Variants in YME1L1 observed in about 807,000 individuals in gnomAD.
The protein encoded by YME1L1 is ATP-dependent zinc metalloprotease YME1L1.
In YME1L1, 39 loss-of-function variants were observed where a neutral mutation model predicts 90.4. The ratio of observed to expected loss-of-function variants is 0.43; its 90% CI spans 0.33 to 0.56. The LOEUF is 0.56. Among genes scored for constraint, YME1L1 ranks in the 20% least tolerant of loss-of-function variants. YME1L1 has a pLI of 0.03. For missense variants in YME1L1, 617 were observed against 868.4 expected (o/e 0.71, Z 3.64); for synonymous variants, 284 against 287.3 (o/e 0.99, Z 0.12).
At chr10:27,148,624 T>G (rs536845081) in intron 2 of YME1L1, among the ~76,000 whole-genome samples, 12 of 152,328 alleles carry the variant, frequency 7.9e-5, no homozygotes, top group Admixed American at 2.0e-4. Flanking sequence ...ATGTTTTCTC[T>G]TCCTTATGAT....
At chr10:27,131,177 C>A (rs1315540196) in intron 8 of YME1L1, among the ~76,000 whole-genome samples, 1 of 152,206 alleles carries the variant, frequency 6.6e-6, no homozygotes, top group Non-Finnish European at 1.5e-5. Flanking sequence ...AGCCTTCTCT[C>A]AAAACTCCCA....
chr10:27,126,044 T>A (rs1244480578), intron 9 of YME1L1, among the ~76,000 whole-genome samples: 2 of 152,176 alleles, frequency 1.3e-5, no homozygotes, highest in East Asian at 3.8e-4. Context: ...AAATACACAC[T>A]TGGGGTGATT....
intron 7 of YME1L1, among the ~76,000 whole-genome samples, chr10:27,132,166 T>A (rs1231623268): frequency 2.0e-5 from 3 of 152,158 alleles, no homozygotes; most frequent in Non-Finnish European, 4.4e-5. Flanking sequence ...AGCGGCACGA[T>A]CTTGGCTCAC....
intron 15 of YME1L1, 118 bp from the exon 16 acceptor site, chr10:27,116,463 T>TC (rs1180262841): frequency 9.2e-7 from 1 of 1,091,588 alleles, no homozygotes; most frequent in Non-Finnish European, 1.3e-6. Flanking sequence ...GGTTGGGAGT[T>TC]CGAGACCAGC....
chr10:27,134,899 T>C lies in YME1L1; in HGVS notation c.623A>G (p.Gln208Arg). ...MKTKNIPEAHQDAFKTGFAEG... is the reference protein window; with the variant it reads ...MKTKNIPEAHRDAFKTGFAEG... ...CGCAAAACCAGTTTTAAATGCATCT[T>C]GGTGAGCTTCAGGTATATTTTTGGT... The change falls in exon 6 of 19, where the codon CAA (glutamine) becomes CGA (arginine). Residue 208 changes from glutamine to arginine, a missense_variant. Around this residue, in one of 4 missense-constraint regions of YME1L1, gnomAD observed 311 missense variants for 335.8 expected, o/e 0.93. Coordinates refer to ENST00000376016, the MANE Select transcript of YME1L1 (RefSeq NM_014263.4). 6.2e-7 allele frequency: 1 copy of C among 1,614,104 alleles called. No homozygotes were observed. The highest frequency in any genetic ancestry group is 8.5e-7 in the Non-Finnish European group (1 of 1,180,022).
chr10:27,151,998 G>C (rs749741867), intron 1 of YME1L1, among the ~76,000 whole-genome samples: 4 of 151,736 alleles, frequency 2.6e-5, no homozygotes, highest in Non-Finnish European at 4.4e-5. Flanking sequence ...GATTATGGGC[G>C]ATCTTATTTA....
chr10:27,116,770 G>A (rs996139712), intron 15 of YME1L1, among the ~76,000 whole-genome samples: 5 of 152,098 alleles, frequency 3.3e-5, no homozygotes, highest in African/African-American at 1.2e-4. Flanking sequence ...GCTCATACCT[G>A]TAGTCTCAGC....
rs563224738 is a variant in YME1L1, at chr10:27,151,894, A to C, written c.33+2284T>G. Among the ~76,000 whole-genome samples, 243 of 151,554 alleles carry C rather than the reference A, an allele frequency of 1.6e-3. 2 individuals are homozygous for C. The highest frequency in any genetic ancestry group is 0.013 in the Admixed American group (197 of 15,242). ...AGACTCCATCTTAAAAAAAAAAAAA[A>C]ATTAAAATAAAAAAAAGTATGCATA... is the stretch of plus-strand genomic sequence containing the variant. On this transcript the variant is annotated intron_variant, in intron 1 of 18. Transcript: ENST00000376016.
chr10:27,116,657 ACTCCAT>A (rs1266499369), intron 15 of YME1L1, among the ~76,000 whole-genome samples: 1 of 151,930 alleles, frequency 6.6e-6, no homozygotes, highest in East Asian at 1.9e-4. Context: ...CAAGAGTGAA[ACTCCAT>A]CTCAAAAATA....
Position 27,116,201 on chromosome 10 carries a change from C to T in YME1L1, c.1846+18G>A, listed in dbSNP as rs1022827172. 6.2e-7 allele frequency: 1 copy of T among 1,613,850 alleles called. No homozygotes were observed. The highest frequency in any genetic ancestry group is 8.5e-7 in the Non-Finnish European group (1 of 1,179,972). ...AGACCACATATAATTTGAACTAAAGCCATTCTTTAAAGCTAACCTGTTGTA... is the reference window on the plus strand; with the variant it reads ...AGACCACATATAATTTGAACTAAAGTCATTCTTTAAAGCTAACCTGTTGTA... On this transcript the variant is annotated intron_variant, in intron 16 of 18. Coordinates refer to ENST00000376016, the MANE Select transcript of YME1L1 (RefSeq NM_014263.4).
At chr10:27,124,206 G>T (rs1388861837) in intron 9 of YME1L1, among the ~76,000 whole-genome samples, 1 of 152,114 alleles carries the variant, frequency 6.6e-6, no homozygotes, top group Non-Finnish European at 1.5e-5. Context: ...CTTATTCTTA[G>T]GTGATGTACA....
intron 8 of YME1L1, among the ~76,000 whole-genome samples, chr10:27,127,259 G>T (rs2056930038): frequency 6.6e-6 from 1 of 152,170 alleles, no homozygotes; most frequent in Non-Finnish European, 1.5e-5. Flanking sequence ...GACTTGAAAT[G>T]ATCTTTGAAA....
chr10:27,136,808 C>T (rs1246041202), intron 4 of YME1L1, among the ~76,000 whole-genome samples: 1 of 151,756 alleles, frequency 6.6e-6, no homozygotes, highest in East Asian at 1.9e-4. Context: ...TCACTGCAAC[C>T]TCCGCCTCCT....
At chr10:27,129,764 A>ATATATT (rs1367658092) in intron 8 of YME1L1, among the ~76,000 whole-genome samples, 1 of 152,066 alleles carries the variant, frequency 6.6e-6, no homozygotes, top group Admixed American at 6.6e-5. Flanking sequence ...GACTTAATAT[A>ATATATT]AATTCATGAT....
Position 27,134,133 on chromosome 10 carries a change from A to C in YME1L1, c.692-11T>G. 1 of 1,591,176 alleles carries C rather than the reference A, an allele frequency of 6.3e-7. No homozygotes were observed. Among genetic ancestry groups the C allele is most frequent in the South Asian group, 1.1e-5 (1 of 88,858 alleles). On this transcript the variant is annotated splice_polypyrimidine_tract_variant and intron_variant, in intron 6 of 18. Transcript: ENST00000376016. ...TTCGCCTTAGGGAATCTAGGAGAGA[A>C]AGAAAAAGCTTTACATGAAATCACA... is the stretch of plus-strand genomic sequence containing the variant.
At chr10:27,147,669 C>T (rs1173449249) in intron 2 of YME1L1, 2 of 1,551,744 alleles carry the variant, frequency 1.3e-6, no homozygotes, top group South Asian at 1.2e-5. Flanking sequence ...TGAACATACA[C>T]TGTAGGAAGA....
chr10:27,151,755 C>T (rs2057221138), intron 1 of YME1L1, among the ~76,000 whole-genome samples: 1 of 152,066 alleles, frequency 6.6e-6, no homozygotes, highest in Non-Finnish European at 1.5e-5. Flanking sequence ...GTGGCGGGCG[C>T]CTGTGGTCCC....
At chr10:27,122,662 G>C (rs1258433357) in intron 11 of YME1L1, among the ~76,000 whole-genome samples, 179 bp downstream of exon 11, 1 of 152,146 alleles carries the variant, frequency 6.6e-6, no homozygotes, top group Non-Finnish European at 1.5e-5. Context: ...ACAATACTGA[G>C]AGAAAAAGCT....
At chr10:27,135,640 CAA>C (rs1375976881) in intron 5 of YME1L1, among the ~76,000 whole-genome samples, 1 of 151,996 alleles carries the variant, frequency 6.6e-6, no homozygotes, top group Non-Finnish European at 1.5e-5. Flanking sequence ...ACTTCAATGC[CAA>C]GAGAGGAGCA....
Sources: allele counts gnomAD v4.1 joint callset (sites outside exome capture counted in the v4.1 genomes callset), GRCh38; gene constraint gnomAD v4.1.1; regional missense constraint gnomAD v4.1.1; transcripts MANE v1.5; gene names NCBI Gene and HGNC (gene_info 2026-07-23, HGNC 2026-07-21).